SLC11A2: variants seen among roughly 807,000 people sequenced by gnomAD.
The protein encoded by SLC11A2 is solute carrier family 11 member 2.
Under a neutral mutation model 68.0 loss-of-function variants are expected in SLC11A2, and 38 were observed. The ratio of observed to expected loss-of-function variants is 0.56; its 90% CI spans 0.43 to 0.73. SLC11A2 has a LOEUF of 0.73. Among genes scored for constraint, SLC11A2 ranks in the 30% least tolerant of loss-of-function variants. The probability of loss-of-function intolerance (pLI) is 0.00; values close to 1 mark genes in which losing one functional copy is unlikely to be tolerated. For synonymous variants in SLC11A2, 242 were observed against 250.6 expected, an observed-to-expected ratio of 0.97 and a Z score of 0.32; for missense variants, 517 against 690.5, an observed-to-expected ratio of 0.75 and a Z score of 2.82.
the SLC11A2 span, among the ~76,000 whole-genome samples, chr12:50,956,064 T>G: frequency 0.18 from 27,908 of 152,090 alleles, 2,931 homozygotes; most frequent in East Asian, 0.5. Context: ...ATTAAGGGAA[T>G]AGAGATAAGT....
chr12:51,026,463 G>T, upstream of SLC11A2: 2 of 769,316 alleles, frequency 2.6e-6, no homozygotes, highest in Non-Finnish European at 3.7e-6. Flanking sequence ...CCCTGCAGCG[G>T]CCGGGATGCG....
the SLC11A2 span, among the ~76,000 whole-genome samples, chr12:50,962,932 G>A: frequency 6.6e-6 from 1 of 152,184 alleles, no homozygotes; most frequent in African/African-American, 2.4e-5. Context: ...AGGCGAATCA[G>A]TGTTTGAGGA....
chr12:51,010,825 C>A, intron 1 of SLC11A2, 59 bp from the exon 2 acceptor site: 1 of 926,716 alleles, frequency 1.1e-6, no homozygotes, highest in Non-Finnish European at 1.7e-6. Context: ...AAGTTCAGAA[C>A]CAGCAGTTTG....
intron 3 of SLC11A2, chr12:51,006,371 A>G (rs1032537281): frequency 6.5e-6 from 1 of 154,426 alleles, no homozygotes; most frequent in African/African-American, 2.4e-5. Flanking sequence ...CCTTGTAGCA[A>G]TAACATGCTA....
Position 50,996,880 on chromosome 12 carries a change from A to G in SLC11A2, c.768T>C (p.Ala256=). The change falls in exon 9 of 16, where the codon GCT becomes GCC. Residue 256 remains alanine, a synonymous_variant. Transcript: ENST00000262052. ...SGCRTPQIEQ[A]VGIVGAVIMP... is the part of the protein sequence containing the mutation. Reference sequence around the variant, plus strand: ...TGATGACAGCTCCCACGATGCCCACAGCCTGTTCAATCTGTGGAGTGCGAC... The same window carrying G: ...TGATGACAGCTCCCACGATGCCCACGGCCTGTTCAATCTGTGGAGTGCGAC... The G allele has an allele frequency of 1.9e-6, 3 of 1,614,126 alleles. No individual in the cohort carries two copies. The highest frequency in any genetic ancestry group is 2.5e-6 in the Non-Finnish European group (3 of 1,179,996).
the SLC11A2 span, among the ~76,000 whole-genome samples, chr12:50,974,254 C>G: frequency 3.3e-5 from 5 of 152,234 alleles, no homozygotes; most frequent in African/African-American, 1.2e-4. Flanking sequence ...GTCGGGTTAC[C>G]CACAAAGGGA....
chr12:51,027,841 G>A (rs1944449586), upstream of SLC11A2, among the ~76,000 whole-genome samples: 1 of 146,898 alleles, frequency 6.8e-6, no homozygotes, highest in South Asian at 2.2e-4. Flanking sequence ...AAGAAATGAG[G>A]AAAGGAGCGT....
chr12:50,995,968 G>A (rs1941665708), intron 9 of SLC11A2, among the ~76,000 whole-genome samples, 181 bp from the exon 10 acceptor site: 1 of 152,062 alleles, frequency 6.6e-6, no homozygotes, highest in East Asian at 1.9e-4. Flanking sequence ...CATATGGGGG[G>A]AGAAAAAAGA....
At chr12:50,959,798 C>A in the SLC11A2 span, among the ~76,000 whole-genome samples, 4,594 of 152,202 alleles carry the variant, frequency 0.03, 110 homozygotes, top group East Asian at 0.079. Context: ...CAGGCATGTA[C>A]CACCACGCCC....
chr12:51,022,215 A>G (rs1944092387), intron 1 of SLC11A2, among the ~76,000 whole-genome samples: 1 of 152,098 alleles, frequency 6.6e-6, no homozygotes, highest in Admixed American at 6.6e-5. Context: ...CACCTCTATC[A>G]TGGAACACAA....
At chr12:50,991,146 A>C (rs553718743) in intron 14 of SLC11A2, among the ~76,000 whole-genome samples, 198 bp from the exon 15 acceptor site, 1 of 152,350 alleles carries the variant, frequency 6.6e-6, no homozygotes, top group South Asian at 2.1e-4. Context: ...GAGGGGGGAA[A>C]AGACACCAAC....
intron 2 of SLC11A2, among the ~76,000 whole-genome samples, chr12:51,009,473 C>A (rs1943026636): frequency 1.3e-5 from 2 of 152,218 alleles, no homozygotes; most frequent in African/African-American, 4.8e-5. Flanking sequence ...TCACAAAGCT[C>A]TAATCTCTGT....
rs563243097 is a variant in SLC11A2, at chr12:51,000,741, C to T, written c.430-322G>A. ...TAACTTCCACTTAATTTCCTAAAAA[C>T]AATCCTAAAAAGTTTAGAGGAGAAT... is the stretch of plus-strand genomic sequence containing the variant. On this transcript the variant is annotated intron_variant, in intron 5 of 15. Coordinates refer to ENST00000262052, the MANE Select transcript of SLC11A2 (RefSeq NM_000617.3). The T allele has an allele frequency of 3.9e-5, 23 of 587,178 alleles. No individual in the cohort carries two copies. The South Asian group carries it at 4.8e-4, about 12-fold the overall frequency. The allele number at this position is 587,178 out of a possible 1,614,324, so 36.4% of individuals were successfully genotyped here.
intron 14 of SLC11A2, 85 bp downstream of exon 14, chr12:50,991,514 G>C (rs1251326623): frequency 9.7e-7 from 1 of 1,026,574 alleles, no homozygotes; most frequent in Non-Finnish European, 1.5e-6. Context: ...TTCCCTCTGT[G>C]TCTCACGTCT....
In SLC11A2 at chr12:50,988,427, T is replaced by C. The variant is rs761505350; in HGVS notation, c.1584A>G (p.Gln528=). ...AGGACATGCCCAGTGCAATCAAACATTGCCAACCCTGAAAGACAAAATATG... is the reference window on the plus strand; with the variant it reads ...AGGACATGCCCAGTGCAATCAAACACTGCCAACCCTGAAAGACAAAATATG... ...YLGFVFYLGW[Q]CLIALGMSFL... Residue 528 remains glutamine, a synonymous_variant, in exon 16 of 16, where the codon CAA becomes CAG. Coordinates refer to ENST00000262052, the MANE Select transcript of SLC11A2 (RefSeq NM_000617.3). The C allele has an allele frequency of 2.7e-5, 44 of 1,613,836 alleles. No homozygotes were observed. Among genetic ancestry groups the C allele is most frequent in the Admixed American group, 3.3e-5 (2 of 59,988 alleles).
At chr12:50,992,079 C>T in intron 13 of SLC11A2, 111 bp downstream of exon 13, 2 of 1,041,382 alleles carry the variant, frequency 1.9e-6, no homozygotes, top group Non-Finnish European at 3.0e-6. Flanking sequence ...CACAACCATG[C>T]CTCTGTCTTC....
downstream of SLC11A2, among the ~76,000 whole-genome samples, chr12:50,984,343 T>G (rs1412658942): frequency 6.6e-6 from 1 of 152,162 alleles, no homozygotes; most frequent in Non-Finnish European, 1.5e-5. Context: ...CTTTAGGACA[T>G]GGAAACAGCT....
At chr12:50,968,782 T>A in the SLC11A2 span, among the ~76,000 whole-genome samples, 3 of 151,884 alleles carry the variant, frequency 2.0e-5, no homozygotes, top group Admixed American at 1.3e-4. Flanking sequence ...CCTCAAGTGA[T>A]CCACCCGCCT....
At chr12:50,981,586 C>G, downstream of SLC11A2, 2 of 664,884 alleles carry the variant, frequency 3.0e-6, no homozygotes, top group East Asian at 2.9e-5. Context: ...TTTGAACACC[C>G]TTCCCATGAG....
Sources: allele counts gnomAD v4.1 joint callset (sites outside exome capture counted in the v4.1 genomes callset), GRCh38; gene constraint gnomAD v4.1.1; transcripts MANE v1.5; gene names NCBI Gene and HGNC (gene_info 2026-07-23, HGNC 2026-07-21).